The following SYN3 variants were observed in gnomAD, a reference collection of about 807,000 sequenced individuals.
The protein encoded by SYN3 is synapsin III.
A neutral mutation model predicts 65.8 loss-of-function variants in SYN3; 35 were observed. The ratio of observed to expected loss-of-function variants is 0.53; its 90% CI spans 0.41 to 0.70. SYN3 has a LOEUF of 0.70. Ranked by LOEUF, SYN3 falls within the 30% of genes least tolerant of loss-of-function variation. The probability of loss-of-function intolerance (pLI) is 0.00; values close to 1 mark genes in which losing one functional copy is unlikely to be tolerated. For missense variants in SYN3, 680 were observed against 749.0 expected (o/e 0.91, Z 1.08); for synonymous variants, 270 against 292.9 (o/e 0.92, Z 0.80).
intron 6 of SYN3, among the ~76,000 whole-genome samples, chr22:32,619,748 C>G (rs920453007): frequency 2.2e-4 from 34 of 152,176 alleles, no homozygotes; most frequent in African/African-American, 8.2e-4. Context: ...GGCCTTGAGA[C>G]TTTCTTTGGC....
At chr22:32,728,468 T>A (rs1386116077) in intron 6 of SYN3, among the ~76,000 whole-genome samples, 1 of 152,206 alleles carries the variant, frequency 6.6e-6, no homozygotes, top group Non-Finnish European at 1.5e-5. Flanking sequence ...CCTCCAGACC[T>A]CTGCATCTTG....
chr22:32,612,656 A>G (rs1351484051), intron 6 of SYN3, among the ~76,000 whole-genome samples: 1 of 152,110 alleles, frequency 6.6e-6, no homozygotes, highest in Non-Finnish European at 1.5e-5. Context: ...AGCCAAGGCA[A>G]CATAGTAAGA....
chr22:32,805,638 C>G (rs536091002), intron 6 of SYN3, among the ~76,000 whole-genome samples: 1 of 150,954 alleles, frequency 6.6e-6, no homozygotes, highest in African/African-American at 2.4e-5. Context: ...CCCGACCCCC[C>G]ACAGCAACCT....
chr22:32,770,482 C>G (rs550333942), intron 6 of SYN3, among the ~76,000 whole-genome samples: 53 of 152,288 alleles, frequency 3.5e-4, no homozygotes, highest in Non-Finnish European at 6.6e-4. Context: ...GTCACTCTCT[C>G]TGCTCCTCGT....
intron 7 of SYN3, among the ~76,000 whole-genome samples, chr22:32,596,387 A>G (rs116312577): frequency 0.012 from 1,819 of 152,322 alleles, 36 homozygotes; most frequent in African/African-American, 0.04. Context: ...ACGCTCAATA[A>G]AATGCTCTAC....
intron 3 of SYN3, among the ~76,000 whole-genome samples, chr22:32,962,869 CTACT>C (rs1380129542): frequency 6.6e-6 from 1 of 151,144 alleles, no homozygotes; most frequent in Non-Finnish European, 1.5e-5. Context: ...TCTTACCTAC[CTACT>C]TATCTACCTA....
Position 32,512,722 on chromosome 22 carries a change from T to A in SYN3, c.*970A>T, listed in dbSNP as rs911118096. 1 of 152,132 alleles carries A rather than the reference T, an allele frequency of 6.6e-6. No individual in the cohort carries two copies. The highest frequency in any genetic ancestry group is 2.4e-5 in the African/African-American group (1 of 41,430). The allele number at this position is 152,132 out of a possible 1,614,324, so 9.4% of individuals were successfully genotyped here. ...CCTACCAATACCTTGCTGTACAGAGTTTGTGAAATGCCAAACTAGAAGTGA... is the reference window on the plus strand; with the variant it reads ...CCTACCAATACCTTGCTGTACAGAGATTGTGAAATGCCAAACTAGAAGTGA... On this transcript the variant is annotated 3_prime_UTR_variant, in exon 14 of 14. Transcript: ENST00000358763.
At chr22:32,689,619 A>T (rs2060636296) in intron 6 of SYN3, among the ~76,000 whole-genome samples, 1 of 152,082 alleles carries the variant, frequency 6.6e-6, no homozygotes, top group African/African-American at 2.4e-5. Context: ...GCTTCTCTTT[A>T]TTGGGCACCG....
intron 6 of SYN3, chr22:32,859,402 T>A: frequency 6.3e-7 from 1 of 1,596,702 alleles, no homozygotes; most frequent in Non-Finnish European, 8.5e-7. Flanking sequence ...CCCACCTCAC[T>A]TCCCTCCCTT....
intron 1 of SYN3, among the ~76,000 whole-genome samples, chr22:33,030,517 C>T (rs981837355): frequency 3.3e-5 from 5 of 150,232 alleles, no homozygotes; most frequent in African/African-American, 1.2e-4. Flanking sequence ...AGAGATAAGG[C>T]AGAGAGATAC....
Position 32,594,899 on chromosome 22 carries a change from G to T in SYN3, c.774+1775C>A, listed in dbSNP as rs1488045419. 2.0e-5 allele frequency among the ~76,000 whole-genome samples: 3 copies of T among 152,136 alleles called. No individual in the cohort carries two copies. The East Asian group carries it at 5.8e-4, about 29-fold the overall frequency. On this transcript the variant is annotated intron_variant, in intron 7 of 13. Transcript: ENST00000358763. ...GTGAAGAATTATTCACGTCTGGGTG[G>T]GCCTACTCAAAGAAAGGTGTCTACT...
At chr22:32,931,103 A>T in intron 4 of SYN3, 1 of 296,492 alleles carries the variant, frequency 3.4e-6, no homozygotes, top group Non-Finnish European at 6.5e-6. Flanking sequence ...GAAGTAGAGG[A>T]CAAAAGGGAC....
In SYN3 at chr22:32,980,689, G is replaced by T; in HGVS notation, c.325C>A (p.His109Asn). 6.2e-7 allele frequency: 1 copy of T among 1,613,886 alleles called. No individual in the cohort carries two copies. Among genetic ancestry groups the T allele is most frequent in the South Asian group, 1.1e-5 (1 of 91,070 alleles). The change falls in exon 3 of 14, where the codon CAT (histidine) becomes AAT (asparagine). Residue 109 changes from histidine to asparagine, a missense_variant. By Grantham distance (68) the His-to-Asn change is moderately conservative. Coordinates refer to ENST00000358763, the MANE Select transcript of SYN3 (RefSeq NM_003490.4). ...DAHTDWSKYF[H>N]GKKVNGEIEI... ...ATCTCTCCATTCACCTTCTTCCCATGGAAATACTTCGACCTGTAAAGGGGA... is the reference window on the plus strand; with the variant it reads ...ATCTCTCCATTCACCTTCTTCCCATTGAAATACTTCGACCTGTAAAGGGGA...
intron 6 of SYN3, among the ~76,000 whole-genome samples, chr22:32,676,302 T>A (rs2060440371): frequency 6.6e-6 from 1 of 152,136 alleles, no homozygotes; most frequent in African/African-American, 2.4e-5. Flanking sequence ...GCCTGGGTAT[T>A]TGGAAGGAGC....
chr22:33,008,955 AAAAAAAAAGAG>A (rs2053273580), intron 1 of SYN3, among the ~76,000 whole-genome samples: 1 of 142,938 alleles, frequency 7.0e-6, no homozygotes, highest in African/African-American at 2.7e-5. Context: ...AAAAAAAAAA[AAAAAAAAAGAG>A]AGAGAGAGAA....
intron 6 of SYN3, among the ~76,000 whole-genome samples, chr22:32,726,443 A>T (rs1394854761): frequency 6.6e-6 from 1 of 152,138 alleles, no homozygotes; most frequent in Non-Finnish European, 1.5e-5. Flanking sequence ...ACTCGGCCCC[A>T]GTATAGATTC....
In SYN3 at chr22:32,960,931, G is replaced by A. The variant is rs55813771; in HGVS notation, c.369+19714C>T. 8.3e-3 allele frequency among the ~76,000 whole-genome samples: 1,266 copies of A among 152,310 alleles called. 27 individuals are homozygous for A. Among genetic ancestry groups the A allele is most frequent in the African/African-American group, 0.03 (1,231 of 41,576 alleles). On this transcript the variant is annotated intron_variant, in intron 3 of 13. Coordinates refer to ENST00000358763, the MANE Select transcript of SYN3 (RefSeq NM_003490.4). ...CCTGAGGCTGCTAACAGGAACTGCA[G>A]GAGAGAGTGAAGGTGAAGTTTCTCC...
At chr22:32,598,517 ACTC>A (rs1442623335) in intron 6 of SYN3, among the ~76,000 whole-genome samples, 1 of 151,820 alleles carries the variant, frequency 6.6e-6, no homozygotes, top group Non-Finnish European at 1.5e-5. Flanking sequence ...ACAGAGTCTC[ACTC>A]TTTCGCTCAG....
intron 6 of SYN3, among the ~76,000 whole-genome samples, chr22:32,722,156 G>T (rs538466036): frequency 6.6e-5 from 10 of 152,266 alleles, no homozygotes; most frequent in Non-Finnish European, 1.5e-4. Flanking sequence ...GCCATAGAGG[G>T]TTTTAAGCAG....
Sources: allele counts gnomAD v4.1 joint callset (sites outside exome capture counted in the v4.1 genomes callset), GRCh38; gene constraint gnomAD v4.1.1; transcripts MANE v1.5; gene names NCBI Gene and HGNC (gene_info 2026-07-23, HGNC 2026-07-21).